The following MYCL variants were observed in gnomAD, a reference collection of about 807,000 sequenced individuals.
The protein encoded by MYCL is MYCL proto-oncogene, bHLH transcription factor.
In MYCL, 11 loss-of-function variants were observed where a neutral mutation model predicts 31.0. That is an observed-to-expected ratio of 0.35 (90% CI 0.22 to 0.59). The LOEUF is 0.59. Ranked by LOEUF, MYCL falls within the 20% of genes least tolerant of loss-of-function variation. The probability of loss-of-function intolerance (pLI) is 0.79; values close to 1 mark genes in which losing one functional copy is unlikely to be tolerated. For missense variants in MYCL, 427 were observed against 486.1 expected (o/e 0.88, Z 1.14); for synonymous variants, 208 against 202.4 (o/e 1.03, Z -0.23).
chr1:39,898,481 A>T (rs1379129764), intron 1 of MYCL, among the ~76,000 whole-genome samples: 2 of 152,084 alleles, frequency 1.3e-5, no homozygotes, highest in Non-Finnish European at 2.9e-5. Context: ...TTATTCCCCC[A>T]CCTCTCTATT....
chr1:39,897,467 C>G lies in MYCL; in HGVS notation c.1000G>C (p.Val334Leu). 4 of 1,614,234 alleles carry G rather than the reference C, an allele frequency of 2.5e-6. No individual in the cohort carries two copies. The highest frequency in any genetic ancestry group is 1.6e-4 in the Middle Eastern group (1 of 6,062). The change falls in exon 2 of 2, where the codon GTG (valine) becomes CTG (leucine). Residue 334 changes from valine (V) to leucine (L), a missense_variant. By Grantham distance (32) the Val-to-Leu change is conservative. Transcript: ENST00000372816. The surrounding 1 kb of genome is among the most constrained non-coding windows in gnomAD (Gnocchi z 4.3). Reference sequence around the variant, plus strand: ...GTAGCCATCCTCTTCTCAGCCCCCACCAGGGCTTGCAAGTATTCCAAGGCC... The same window carrying G: ...GTAGCCATCCTCTTCTCAGCCCCCAGCAGGGCTTGCAAGTATTCCAAGGCC... ...SKALEYLQAL[V>L]GAEKRMATEK...
chr1:39,897,277 C>T lies in MYCL; in HGVS notation c.*95G>A, dbSNP rs555848372. 1.0e-4 allele frequency: 122 copies of T among 1,165,256 alleles called. 1 individual carries two copies. In the Middle Eastern group the frequency reaches 1.1e-3, roughly 10 times the overall value. 72.2% of individuals were successfully genotyped at this position (1,165,256 alleles called of 1,614,324 possible). A position where few individuals can be genotyped will look rare whatever the true frequency, so the allele number is the denominator to read the frequency against. On this transcript the variant is annotated 3_prime_UTR_variant, in exon 2 of 2. Coordinates refer to ENST00000372816, the MANE Select transcript of MYCL (RefSeq NM_001033081.3). The surrounding 1 kb of genome is among the most constrained non-coding windows in gnomAD (Gnocchi z 4.3). ...GGGATCTACTGTCCAGACTGTCCCA[C>T]CATAACCAAAATGTGCAAATTACTA...
rs1644545371 is a variant in MYCL at position 39,901,880 on chromosome 1, C to A, written c.-446G>T. ...TCGGGGCAGCCCGGCAGCCAGCACACACGCACATGCGCGCCGCCGAGAGCG... is the reference window on the plus strand; with the variant it reads ...TCGGGGCAGCCCGGCAGCCAGCACAAACGCACATGCGCGCCGCCGAGAGCG... On this transcript the variant is annotated 5_prime_UTR_variant, in exon 1 of 2. Transcript: ENST00000372816. The surrounding 1 kb of genome is among the most constrained non-coding windows in gnomAD (Gnocchi z 6.9). 1 of 1,181,562 alleles carries A rather than the reference C, an allele frequency of 8.5e-7. No individual in the cohort carries two copies. The highest frequency in any genetic ancestry group is 1.0e-6 in the Non-Finnish European group (1 of 954,124). 73.2% of individuals were successfully genotyped at this position (1,181,562 alleles called of 1,614,324 possible).
At chr1:39,900,686 T>G in intron 1 of MYCL, 1 of 1,389,308 alleles carries the variant, frequency 7.2e-7, no homozygotes, top group Non-Finnish European at 9.3e-7. Flanking sequence ...AACCCTCACC[T>G]CAAATCCCTT....
At chr1:39,900,640 TA>T in intron 1 of MYCL, 1 of 1,305,950 alleles carries the variant, frequency 7.7e-7, no homozygotes, top group Non-Finnish European at 9.8e-7. Context: ...TTCAATCCCT[TA>T]CAGTCCAACC....
Position 39,898,110 on chromosome 1 carries a change from A to G in MYCL, c.497-140T>C. The stretch of plus-strand genomic sequence containing the variant: ...ATTTAGATATATACAAATCGAGGTG[A>G]GCAGAAAGCTGATTCATTTGTAATG... On this transcript the variant is annotated intron_variant, in intron 1 of 1. Coordinates refer to ENST00000372816, the MANE Select transcript of MYCL (RefSeq NM_001033081.3). The G allele has an allele frequency of 2.4e-6, 3 of 1,266,510 alleles. No homozygotes were observed. The Middle Eastern group carries it at 6.1e-4, about 256-fold the overall frequency. The allele number at this position is 1,266,510 out of a possible 1,614,324, so 78.5% of individuals were successfully genotyped here.
chr1:39,901,807 C>T lies in MYCL; in HGVS notation c.-373G>A, dbSNP rs1257394345. On this transcript the variant is annotated 5_prime_UTR_variant, in exon 1 of 2. In the 5' UTR this introduces an upstream ATG that the reference lacks. Coordinates refer to ENST00000372816, the MANE Select transcript of MYCL (RefSeq NM_001033081.3). This position sits in a 1 kb window ranked among gnomAD's most constrained non-coding sequence, Gnocchi z 6.9. The stretch of plus-strand genomic sequence containing the variant: ...CGTGCCCTGGCCACCCGCAGCCTCA[C>T]CTCGCTCCAGCCGCCCGCCACCTGG... 7.8e-7 allele frequency: 1 copy of T among 1,278,454 alleles called. No individual in the cohort carries two copies. The highest frequency in any genetic ancestry group is 1.6e-5 in the African/African-American group (1 of 63,524). The allele number at this position is 1,278,454 out of a possible 1,614,324, so 79.2% of individuals were successfully genotyped here.
At position 39,900,921 on chromosome 1, in the gene MYCL, G is replaced by A. The variant is rs2124719470; in HGVS notation, c.496+18C>T. 1 of 1,507,166 alleles carries A rather than the reference G, an allele frequency of 6.6e-7. No individual in the cohort carries two copies. Among genetic ancestry groups the A allele is most frequent in the Non-Finnish European group, 8.9e-7 (1 of 1,129,430 alleles). The allele number at this position is 1,507,166 out of a possible 1,614,324, so 93.4% of individuals were successfully genotyped here. A position where few individuals can be genotyped will look rare whatever the true frequency, so the allele number is the denominator to read the frequency against. ...CCATGGGGTGGCCCCCTCTTGGATGGCTCGGGGAGGTCCTTACCCGAGTCG... is the reference window on the plus strand; with the variant it reads ...CCATGGGGTGGCCCCCTCTTGGATGACTCGGGGAGGTCCTTACCCGAGTCG... On this transcript the variant is annotated intron_variant, in intron 1 of 1. Coordinates refer to ENST00000372816, the MANE Select transcript of MYCL (RefSeq NM_001033081.3).
intron 1 of MYCL, chr1:39,900,322 G>C (rs958801533): frequency 1.4e-4 from 136 of 985,524 alleles, no homozygotes; most frequent in Non-Finnish European, 1.4e-4. Context: ...AGCTGGAGCT[G>C]ACTTGTAGTG....
Position 39,901,671 on chromosome 1 carries a change from A to C in MYCL, c.-237T>G. ...ACTGTGGGCAGCGAGTTCAAAGCAA[A>C]CTTTGCCAGCGCCGCCCGGAGCGCA... On this transcript the variant is annotated 5_prime_UTR_variant, in exon 1 of 2. Transcript: ENST00000372816. The surrounding 1 kb of genome is among the most constrained non-coding windows in gnomAD (Gnocchi z 6.9). 1 of 1,288,316 alleles carries C rather than the reference A, an allele frequency of 7.8e-7. No homozygotes were observed. The allele number at this position is 1,288,316 out of a possible 1,614,324, so 79.8% of individuals were successfully genotyped here. A position where few individuals can be genotyped will look rare whatever the true frequency, so the allele number is the denominator to read the frequency against.
At chr1:39,898,966 G>A in intron 1 of MYCL, 4 of 985,446 alleles carry the variant, frequency 4.1e-6, no homozygotes, top group Non-Finnish European at 4.8e-6. Context: ...GCCTCGCAAA[G>A]GAAGAGCTCC....
intron 1 of MYCL, 196 bp downstream of exon 1, chr1:39,900,743 C>A: frequency 7.1e-7 from 1 of 1,409,564 alleles, no homozygotes; most frequent in Middle Eastern, 2.6e-4. Context: ...GGCTCCCACG[C>A]CACTTTTCCA....
rs2124721528 is a variant in MYCL at position 39,901,663 on chromosome 1, C to A, written c.-229G>T. The A allele has an allele frequency of 1.5e-6, 2 of 1,318,400 alleles. No individual in the cohort carries two copies. Among genetic ancestry groups the A allele is most frequent in the South Asian group, 2.2e-5 (1 of 45,252 alleles). The allele number at this position is 1,318,400 out of a possible 1,614,324, so 81.7% of individuals were successfully genotyped here. ...CGGACCCGACTGTGGGCAGCGAGTT[C>A]AAAGCAAACTTTGCCAGCGCCGCCC... On this transcript the variant is annotated 5_prime_UTR_variant, in exon 1 of 2. It introduces an in-frame stop codon into an upstream open reading frame of the 5' UTR. Coordinates refer to ENST00000372816, the MANE Select transcript of MYCL (RefSeq NM_001033081.3). The surrounding 1 kb of genome is among the most constrained non-coding windows in gnomAD (Gnocchi z 6.9).
chr1:39,901,368 T>A lies in MYCL; in HGVS notation c.67A>T (p.Thr23Ser). 6.2e-7 allele frequency: 1 copy of A among 1,612,100 alleles called. No homozygotes were observed. The highest frequency in any genetic ancestry group is 8.5e-7 in the Non-Finnish European group (1 of 1,179,438). Residue 23 changes from threonine to serine, a missense_variant, in exon 1 of 2, where the codon ACG becomes TCG. Transcript: ENST00000372816. The surrounding 1 kb of genome is among the most constrained non-coding windows in gnomAD (Gnocchi z 6.9). Reference sequence around the variant, plus strand: ...TTCCAGATGTCCTCGCTGGGCGCCGTGGAGCGGTAGAAATCCTCCCCGCAG... The same window carrying A: ...TTCCAGATGTCCTCGCTGGGCGCCGAGGAGCGGTAGAAATCCTCCCCGCAG... ...YDCGEDFYRS[T>S]APSEDIWKKF...
rs755916659 is a variant in MYCL, at chr1:39,901,198, C to A, written c.237G>T (p.Ser79=). The A allele has an allele frequency of 6.2e-7, 1 of 1,613,202 alleles. No homozygotes were observed. The highest frequency in any genetic ancestry group is 8.5e-7 in the Non-Finnish European group (1 of 1,179,684). The change falls in exon 1 of 2, where the codon TCG becomes TCT. Residue 79 remains serine (S), a synonymous_variant. Coordinates refer to ENST00000372816, the MANE Select transcript of MYCL (RefSeq NM_001033081.3). The surrounding 1 kb of genome is among the most constrained non-coding windows in gnomAD (Gnocchi z 6.9). ...TGDEAESRGH[S]KGWGRNYASI... is the part of the protein sequence containing the mutation. ...AGGCGTAGTTCCTGCCCCAGCCTTT[C>A]GAGTGGCCCCGGGATTCCGCTTCGT...
chr1:39,897,114 AG>A lies in MYCL; in HGVS notation c.*257del, dbSNP rs1180422705. On this transcript the variant is annotated 3_prime_UTR_variant, in exon 2 of 2. Coordinates refer to ENST00000372816, the MANE Select transcript of MYCL (RefSeq NM_001033081.3). The surrounding 1 kb of genome is among the most constrained non-coding windows in gnomAD (Gnocchi z 4.3). ...AGCTAGGCAGACCCCAAGGCTCCTC[AG>A]TCAGCTGCCTGCTGGGAAGCCAAAG... 4.2e-6 allele frequency: 2 copies of A among 480,194 alleles called. No individual in the cohort carries two copies. Among genetic ancestry groups the A allele is most frequent in the Non-Finnish European group, 7.4e-6 (2 of 270,198 alleles). 29.7% of individuals were successfully genotyped at this position (480,194 alleles called of 1,614,324 possible). A position where few individuals can be genotyped will look rare whatever the true frequency, so the allele number is the denominator to read the frequency against.
chr1:39,896,499 A>G lies in MYCL; in HGVS notation c.*873T>C. On this transcript the variant is annotated 3_prime_UTR_variant, in exon 2 of 2. Transcript: ENST00000372816. ...CCCCTCGGAAAACACCTGGGCAGGG[A>G]TCAAGTTCATGGGCCAGGACTCCAA... 1 of 217,474 alleles carries G rather than the reference A, an allele frequency of 4.6e-6. No individual in the cohort carries two copies. The highest frequency in any genetic ancestry group is 6.8e-5 in the East Asian group (1 of 14,780). 13.5% of individuals were successfully genotyped at this position (217,474 alleles called of 1,614,324 possible). A position where few individuals can be genotyped will look rare whatever the true frequency, so the allele number is the denominator to read the frequency against.
rs1644494156 is a variant in MYCL at position 39,897,521 on chromosome 1, T to C, written c.946A>G (p.Lys316Glu). ...CTTAGGATCACTACTTTGGGGGCCT[T>C]GGAGCAGCTGGCCAGGGTGGGCACC... is the stretch of plus-strand genomic sequence containing the variant. ...DQVPTLASCS[K>E]APKVVILSKA... is the part of the protein sequence containing the mutation. Residue 316 changes from lysine to glutamate, a missense_variant, in exon 2 of 2, where the codon AAG becomes GAG. Transcript: ENST00000372816. This position sits in a 1 kb window ranked among gnomAD's most constrained non-coding sequence, Gnocchi z 4.3. 1 of 1,614,088 alleles carries C rather than the reference T, an allele frequency of 6.2e-7. No homozygotes were observed. The highest frequency in any genetic ancestry group is 1.3e-5 in the African/African-American group (1 of 74,944).
rs758104621 is a variant in MYCL, at chr1:39,897,405, C to T, written c.1062G>A (p.Leu354=). The part of the protein sequence containing the change: ...KRQLRCRQQQ[L]QKRIAYLTGY ...CAGTGAGGTATGCAATTCTTTTCTG[C>T]AACTGCTGCTGCCGGCATCGGAGCT... is the stretch of plus-strand genomic sequence containing the variant. The change falls in exon 2 of 2, where the codon TTG becomes TTA. Residue 354 remains leucine, a synonymous_variant. Transcript: ENST00000372816. The surrounding 1 kb of genome is among the most constrained non-coding windows in gnomAD (Gnocchi z 4.3). 33 of 1,608,114 alleles carry T rather than the reference C, an allele frequency of 2.1e-5. No homozygotes were observed. Among genetic ancestry groups the T allele is most frequent in the Non-Finnish European group, 2.6e-5 (31 of 1,175,676 alleles).
Sources: allele counts gnomAD v4.1 joint callset (sites outside exome capture counted in the v4.1 genomes callset), GRCh38; gene constraint gnomAD v4.1.1; non-coding constraint Gnocchi (gnomAD v3.1); transcripts MANE v1.5; gene names NCBI Gene and HGNC (gene_info 2026-07-23, HGNC 2026-07-21).